The following PHF3 variants were observed in gnomAD, a reference collection of about 807,000 sequenced individuals.
The protein encoded by PHF3 is PHD finger protein 3.
Under a neutral mutation model 178.4 loss-of-function variants are expected in PHF3, and 41 were observed. The observed-to-expected ratio is 0.23, with a 90% CI of 0.18 to 0.30. The LOEUF (loss-of-function observed/expected upper bound fraction) is 0.30, where lower values mean the gene tolerates loss of function less well. PHF3 is among the 10% of genes least tolerant of loss of function. The probability of loss-of-function intolerance (pLI) is 1.00; values close to 1 mark genes in which losing one functional copy is unlikely to be tolerated. For missense variants in PHF3, 2,346 were observed against 2,398.1 expected, an observed-to-expected ratio of 0.98 and a Z score of 0.45; for synonymous variants, 842 against 800.5, an observed-to-expected ratio of 1.05 and a Z score of -0.88.
Position 63,725,373 on chromosome 6 carries a change from C to T in PHF3, c.*11665C>T, listed in dbSNP as rs1768576517. Among the ~76,000 whole-genome samples the T allele has an allele frequency of 6.6e-6, 1 of 152,056 alleles. No homozygotes were observed. Among genetic ancestry groups the T allele is most frequent in the South Asian group, 2.1e-4 (1 of 4,822 alleles). ...GATTATAAAACTGTAGTACAATATT[C>T]CCAGCCAGTCACAATCCTGAATATA... On this transcript the variant is annotated 3_prime_UTR_variant, in exon 16 of 16. Transcript: ENST00000262043.
chr6:63,709,296 G>T, intron 14 of PHF3, 56 bp downstream of exon 14: 1 of 1,178,918 alleles, frequency 8.5e-7, no homozygotes, highest in Non-Finnish European at 1.3e-6. Context: ...AAAGTAAACA[G>T]TTTAGAATTC....
At chr6:63,640,481 A>T (rs1764526037) in intron 1 of PHF3, among the ~76,000 whole-genome samples, 1 of 152,202 alleles carries the variant, frequency 6.6e-6, no homozygotes, top group South Asian at 2.1e-4. Context: ...TGTGAGGATT[A>T]AATGGCATGA....
rs962485220 is a variant in PHF3, at chr6:63,716,127, A to G, written c.*2419A>G. Among the ~76,000 whole-genome samples, 6 of 152,106 alleles carry G rather than the reference A, an allele frequency of 3.9e-5. No homozygotes were observed. Among genetic ancestry groups the G allele is most frequent in the African/African-American group, 7.2e-5 (3 of 41,436 alleles). On this transcript the variant is annotated 3_prime_UTR_variant, in exon 16 of 16. Coordinates refer to ENST00000262043, the MANE Select transcript of PHF3 (RefSeq NM_001370348.2). ...CCTCTGTAAGGCATCCCTGGTTTTG[A>G]GCACTTAGTATAAACATTGGTCAAC...
At position 63,723,654 on chromosome 6, in the gene PHF3, C is replaced by G. The variant is rs1019195002; in HGVS notation, c.*9946C>G. On this transcript the variant is annotated 3_prime_UTR_variant, in exon 16 of 16. Coordinates refer to ENST00000262043, the MANE Select transcript of PHF3 (RefSeq NM_001370348.2). ...TTTTAACTCAGCTAGTATGTTCTTA[C>G]GAAAAATTGACAAAAAGTTTTCTTT... Among the ~76,000 whole-genome samples, 22 of 151,780 alleles carry G rather than the reference C, an allele frequency of 1.4e-4. 1 individual carries two copies. Among genetic ancestry groups the G allele is most frequent in the Admixed American group, 1.3e-3 (20 of 15,240 alleles).
chr6:63,713,334 G>GTTT lies in PHF3; in HGVS notation c.5746_5747insTTT (p.Gly1916delinsValCys). 6.2e-7 allele frequency: 1 copy of GTTT among 1,613,998 alleles called. No homozygotes were observed. Among genetic ancestry groups the GTTT allele is most frequent in the Non-Finnish European group, 8.5e-7 (1 of 1,179,970 alleles). ...GCAACTGGATAGGCCATTTAATAGG[G>GTTT]GTAAAGGGGACCGCCAGAGATTTTA... On this transcript the variant is annotated protein_altering_variant, in exon 16 of 16. Transcript: ENST00000262043.
Position 63,713,368 on chromosome 6 carries a change from C to A in PHF3, c.5780C>A (p.Ser1927Ter). The change falls in exon 16 of 16, where the codon TCA becomes TAA. Residue 1927 changes from serine to a stop codon, truncating the protein, a stop_gained. Transcript: ENST00000262043. LOFTEE classifies it high-confidence loss of function. ...KGDRQRFYSDSHHLKRERHEK... is the reference protein window; with the variant it reads ...KGDRQRFYSD ...GACCGCCAGAGATTTTATAGTGATT[C>A]ACACCATTTGAAAAGAGAGCGACAT... 6.2e-7 allele frequency: 1 copy of A among 1,613,904 alleles called. No homozygotes were observed. The highest frequency in any genetic ancestry group is 8.5e-7 in the Non-Finnish European group (1 of 1,179,920).
chr6:63,713,139 C>G lies in PHF3; in HGVS notation c.5551C>G (p.Pro1851Ala). Reference protein sequence around the residue: ...PPPGFGFAQNPMVPWPPVVHL... With the variant: ...PPPGFGFAQNAMVPWPPVVHL... The stretch of plus-strand genomic sequence containing the variant: ...TCCAGGCTTTGGCTTTGCTCAAAAT[C>G]CCATGGTTCCCTGGCCACCTGTTGT... Residue 1851 changes from proline (P) to alanine (A), a missense_variant, in exon 16 of 16, where the codon CCC (proline) becomes GCC (alanine). Physicochemically the swap from Pro to Ala is conservative, Grantham distance 27. Around this residue, in one of 8 missense-constraint regions of PHF3, gnomAD observed 839 missense variants for 806.9 expected, o/e 1.04. Coordinates refer to ENST00000262043, the MANE Select transcript of PHF3 (RefSeq NM_001370348.2). 6.2e-7 allele frequency: 1 copy of G among 1,614,018 alleles called. No individual in the cohort carries two copies. Among genetic ancestry groups the G allele is most frequent in the Non-Finnish European group, 8.5e-7 (1 of 1,179,946 alleles).
intron 2 of PHF3, among the ~76,000 whole-genome samples, chr6:63,662,938 T>C (rs545845900): frequency 1.3e-5 from 2 of 152,300 alleles, no homozygotes; most frequent in African/African-American, 4.8e-5. Flanking sequence ...ACAACTCCAG[T>C]TGGTACCAAT....
At position 63,706,859 on chromosome 6, in the gene PHF3, C is replaced by G; in HGVS notation, c.3694C>G (p.Pro1232Ala). 2.5e-6 allele frequency: 4 copies of G among 1,613,804 alleles called. No homozygotes were observed. The highest frequency in any genetic ancestry group is 3.4e-6 in the Non-Finnish European group (4 of 1,179,866). ...CAAAGCCTATCCAGTATCTGGCTCC[C>G]CAGAATACCTGACAGAGGTACTGTG... ...VTKAYPVSGS[P>A]EYLTEDLPDS... Residue 1232 changes from proline to alanine, a missense_variant, in exon 13 of 16, where the codon CCA becomes GCA. Transcript: ENST00000262043.
At position 63,698,310 on chromosome 6, in the gene PHF3, C is replaced by T. The variant is rs901266420; in HGVS notation, c.2768C>T (p.Ser923Phe). ...VHPAASASKP[S>F]ADQIRQSVRH... is the part of the protein sequence containing the mutation. Reference sequence around the variant, plus strand: ...CCTGCTGCTTCTGCTTCCAAGCCTTCTGCAGATCAGATCAGGCAAAGTGTC... The same window carrying T: ...CCTGCTGCTTCTGCTTCCAAGCCTTTTGCAGATCAGATCAGGCAAAGTGTC... Residue 923 changes from serine to phenylalanine, a missense_variant, in exon 7 of 16, where the codon TCT (serine) becomes TTT (phenylalanine). Transcript: ENST00000262043. 1 of 1,612,898 alleles carries T rather than the reference C, an allele frequency of 6.2e-7. No individual in the cohort carries two copies. Among genetic ancestry groups the T allele is most frequent in the Non-Finnish European group, 8.5e-7 (1 of 1,179,124 alleles).
At chr6:63,692,243 C>T (rs1026395809) in intron 5 of PHF3, among the ~76,000 whole-genome samples, 200 bp downstream of exon 5, 1 of 152,096 alleles carries the variant, frequency 6.6e-6, no homozygotes, top group Admixed American at 6.5e-5. Context: ...TTAGAATATG[C>T]AGGCCTTATC....
Position 63,661,019 on chromosome 6 carries a change from G to GT in PHF3, c.244+14225dup, listed in dbSNP as rs534378133. Among the ~76,000 whole-genome samples the GT allele has an allele frequency of 3.1e-3, 468 of 152,238 alleles. 3 individuals carry two copies. Among genetic ancestry groups the GT allele is most frequent in the Middle Eastern group, 6.8e-3 (2 of 294 alleles). Reference sequence around the variant, plus strand: ...GACAGAGTTCTTTGTCTTTTACCCAGTACCCTTGTGTCTTCTGTCAGTAAA... The same window carrying GT: ...GACAGAGTTCTTTGTCTTTTACCCAGTTACCCTTGTGTCTTCTGTCAGTAAA... On this transcript the variant is annotated intron_variant, in intron 2 of 15. Transcript: ENST00000262043.
chr6:63,651,355 T>G (rs893263978), intron 2 of PHF3, among the ~76,000 whole-genome samples: 5 of 152,206 alleles, frequency 3.3e-5, no homozygotes, highest in Middle Eastern at 6.8e-3. Context: ...CTAGCTGTAA[T>G]TTTTTCTTTT....
intron 4 of PHF3, among the ~76,000 whole-genome samples, chr6:63,687,406 A>G (rs1249960839): frequency 6.6e-6 from 1 of 152,232 alleles, no homozygotes; most frequent in African/African-American, 2.4e-5. Flanking sequence ...CTGGTGACGA[A>G]GTGAGACTGT....
chr6:63,682,959 G>T (rs908794317), intron 3 of PHF3, among the ~76,000 whole-genome samples: 4 of 151,928 alleles, frequency 2.6e-5, no homozygotes, highest in African/African-American at 9.7e-5. Context: ...AAGCTTTAAA[G>T]ATCACCTAAA....
In PHF3 at chr6:63,714,438, AAAT is replaced by A. The variant is rs1321255292; in HGVS notation, c.*734_*736del. 2 of 152,460 alleles carry A rather than the reference AAAT, an allele frequency of 1.3e-5. No homozygotes were observed. Among genetic ancestry groups the A allele is most frequent in the Admixed American group, 6.5e-5 (1 of 15,274 alleles). The allele number at this position is 152,460 out of a possible 1,614,324, so 9.4% of individuals were successfully genotyped here. A position where few individuals can be genotyped will look rare whatever the true frequency, so the allele number is the denominator to read the frequency against. ...GGATATTTTGATTCTAAATATGATA[AAAT>A]AATTTCTCACCTATTTTGTGTGTGT... On this transcript the variant is annotated 3_prime_UTR_variant, in exon 16 of 16. Transcript: ENST00000262043.
intron 4 of PHF3, among the ~76,000 whole-genome samples, chr6:63,689,346 C>G (rs922711027): frequency 6.6e-6 from 1 of 151,852 alleles, no homozygotes; most frequent in Non-Finnish European, 1.5e-5. Context: ...TTTCTTGGCC[C>G]CAATTGTAGA....
chr6:63,689,541 A>G (rs954144154), intron 4 of PHF3, among the ~76,000 whole-genome samples: 6 of 152,136 alleles, frequency 3.9e-5, no homozygotes, highest in African/African-American at 1.4e-4. Context: ...TGATCTTAGA[A>G]GAGTGAGTCT....
intron 5 of PHF3, among the ~76,000 whole-genome samples, chr6:63,693,617 A>C (rs550296638): frequency 6.6e-6 from 1 of 152,242 alleles, no homozygotes; most frequent in Non-Finnish European, 1.5e-5. Flanking sequence ...TCTCATAAAT[A>C]AATGAAAAGA....
Sources: allele counts gnomAD v4.1 joint callset (sites outside exome capture counted in the v4.1 genomes callset), GRCh38; gene constraint gnomAD v4.1.1; regional missense constraint gnomAD v4.1.1; transcripts MANE v1.5; gene names NCBI Gene and HGNC (gene_info 2026-07-23, HGNC 2026-07-21).